Variants in DNAH14 observed in about 807,000 individuals in gnomAD.
The protein encoded by DNAH14 is axonemal beta dynein heavy chain 14.
In DNAH14, 478 loss-of-function variants were observed where a neutral mutation model predicts 520.9. That is an observed-to-expected ratio of 0.92 (90% CI 0.85 to 0.99). DNAH14 has a LOEUF of 0.99. Ranked by LOEUF, DNAH14 falls within the 50% of genes least tolerant of loss-of-function variation. The pLI is 0.00. For synonymous variants in DNAH14, 1,581 were observed against 1,757.2 expected (o/e 0.90, Z 2.51); for missense variants, 4,831 against 5,234.5 (o/e 0.92, Z 2.38).
At chr1:225,124,906 C>T (rs1328734714) in intron 27 of DNAH14, among the ~76,000 whole-genome samples, 1 of 152,164 alleles carries the variant, frequency 6.6e-6, no homozygotes, top group Non-Finnish European at 1.5e-5. Flanking sequence ...CAAAAGTACT[C>T]ATTGACCCAT....
chr1:225,071,705 G>T (rs570272241), intron 17 of DNAH14, among the ~76,000 whole-genome samples: 2 of 152,168 alleles, frequency 1.3e-5, no homozygotes, highest in African/African-American at 4.8e-5. Context: ...GACTGTGAAG[G>T]CCTCAGGAAA....
chr1:225,061,455 C>T (rs140582821), intron 17 of DNAH14, among the ~76,000 whole-genome samples: 6 of 152,332 alleles, frequency 3.9e-5, no homozygotes, highest in Non-Finnish European at 7.3e-5. Context: ...TGACCCCTTG[C>T]GCTTCCTGGG....
At chr1:225,178,246 C>G (rs529752234) in intron 36 of DNAH14, among the ~76,000 whole-genome samples, 46 of 152,146 alleles carry the variant, frequency 3.0e-4, no homozygotes, top group African/African-American at 1.1e-3. Context: ...AAAGACATAC[C>G]CAAGACTGGG....
At chr1:225,373,840 C>T (rs2095650405) in intron 77 of DNAH14, among the ~76,000 whole-genome samples, 1 of 151,622 alleles carries the variant, frequency 6.6e-6, no homozygotes, top group Admixed American at 6.6e-5. Flanking sequence ...AAGTGTATGT[C>T]CCAGGGCAGG....
chr1:224,943,660 C>T (rs953909416), intron 1 of DNAH14, among the ~76,000 whole-genome samples: 3 of 152,124 alleles, frequency 2.0e-5, no homozygotes, highest in Non-Finnish European at 4.4e-5. Context: ...CTACACACTG[C>T]TTTGAGTGTG....
chr1:225,390,711 A>C (rs1227956479), intron 83 of DNAH14, among the ~76,000 whole-genome samples: 1 of 152,164 alleles, frequency 6.6e-6, no homozygotes, highest in Non-Finnish European at 1.5e-5. Flanking sequence ...TAATTCGTGG[A>C]GCTTACATGG....
At chr1:225,096,235 G>A (rs2074953715) in intron 21 of DNAH14, among the ~76,000 whole-genome samples, 1 of 152,146 alleles carries the variant, frequency 6.6e-6, no homozygotes, top group Non-Finnish European at 1.5e-5. Flanking sequence ...GCACGCCTCA[G>A]CCTCCCAAAG....
chr1:225,190,094 C>T (rs1334933707), intron 37 of DNAH14, among the ~76,000 whole-genome samples: 2 of 151,874 alleles, frequency 1.3e-5, no homozygotes, highest in Non-Finnish European at 2.9e-5. Context: ...TTCCATGACC[C>T]CAAGTGGATG....
chr1:225,342,681 TAAACACAC>T (rs1266254050), intron 69 of DNAH14, among the ~76,000 whole-genome samples: 2 of 105,572 alleles, frequency 1.9e-5, no homozygotes, highest in Non-Finnish European at 3.9e-5. Context: ...CCATTTCTCA[TAAACACAC>T]ACACACACAC....
At chr1:224,958,140 C>CT (rs138898853) in intron 3 of DNAH14, among the ~76,000 whole-genome samples, 3 of 151,846 alleles carry the variant, frequency 2.0e-5, no homozygotes, top group African/African-American at 4.8e-5. Context: ...CCCACTGATG[C>CT]TTTTTTTGTT....
At position 225,140,719 on chromosome 1, in the gene DNAH14, A is replaced by G. The variant is rs1297465973; in HGVS notation, c.4255-49A>G. 2.5e-6 allele frequency: 3 copies of G among 1,211,054 alleles called. No individual in the cohort carries two copies. In the Admixed American group the frequency reaches 8.4e-5, roughly 34 times the overall value. 75.0% of individuals were successfully genotyped at this position (1,211,054 alleles called of 1,614,324 possible). A position where few individuals can be genotyped will look rare whatever the true frequency, so the allele number is the denominator to read the frequency against. ...TTTGAATAAAATTTATGCTTCAATT[A>G]TATATATATAGAGAGAGATATATAT... On this transcript the variant is annotated intron_variant, in intron 27 of 85. Transcript: ENST00000682510.
At chr1:225,392,508 T>C in intron 84 of DNAH14, 57 bp downstream of exon 84, 10 of 1,537,572 alleles carry the variant, frequency 6.5e-6, no homozygotes, top group East Asian at 2.4e-5. Context: ...CATTTATTCA[T>C]TCAATCAATT....
intron 54 of DNAH14, among the ~76,000 whole-genome samples, chr1:225,279,468 A>T (rs2093575776): frequency 6.6e-6 from 1 of 152,208 alleles, no homozygotes; most frequent in Non-Finnish European, 1.5e-5. Context: ...GTAATGACTT[A>T]ATTAAGAATA....
At chr1:225,361,091 T>C (rs1403391329) in intron 75 of DNAH14, among the ~76,000 whole-genome samples, 200 bp downstream of exon 75, 2 of 152,260 alleles carry the variant, frequency 1.3e-5, no homozygotes, top group Admixed American at 6.5e-5. Flanking sequence ...TCAGTTTTTA[T>C]CTTTTTAAGG....
At chr1:225,258,181 T>G in intron 45 of DNAH14, 63 bp downstream of exon 45, 1 of 1,343,146 alleles carries the variant, frequency 7.4e-7, no homozygotes, top group East Asian at 2.9e-5. Flanking sequence ...AGATATTTGG[T>G]CTAACTATCT....
intron 69 of DNAH14, among the ~76,000 whole-genome samples, chr1:225,342,114 C>T (rs893697430): frequency 6.6e-6 from 1 of 152,056 alleles, no homozygotes; most frequent in Non-Finnish European, 1.5e-5. Context: ...TAATCTAAAG[C>T]CCATGGTCTG....
chr1:225,114,590 A>G (rs572754494), intron 23 of DNAH14, among the ~76,000 whole-genome samples: 1 of 152,216 alleles, frequency 6.6e-6, no homozygotes, highest in South Asian at 2.1e-4. Context: ...TATGGCCTAT[A>G]CTGCCTTTCA....
chr1:225,327,328 A>T (rs796798458), intron 64 of DNAH14, among the ~76,000 whole-genome samples: 132 of 150,790 alleles, frequency 8.8e-4, no homozygotes, highest in African/African-American at 2.8e-3. Flanking sequence ...CGGCTAATTT[A>T]TTTTTTTTAT....
intron 23 of DNAH14, among the ~76,000 whole-genome samples, chr1:225,114,482 A>AAG (rs2076714376): frequency 6.6e-6 from 1 of 152,014 alleles, no homozygotes; most frequent in South Asian, 2.1e-4. Context: ...GCTCTCCTTT[A>AAG]GTTGCTTCAG....
Sources: gnomAD v4.1 joint callset for allele counts (sites outside exome capture counted in the v4.1 genomes callset) on GRCh38, gnomAD v4.1.1 for gene constraint, MANE v1.5 for transcripts, NCBI Gene and HGNC (gene_info 2026-07-23, HGNC 2026-07-21) for gene names.